Variants in NEK11 observed in about 807,000 individuals in gnomAD.
NEK11 encodes the protein NIMA related kinase 11, also known as serine/threonine-protein kinase Nek11.
A neutral mutation model predicts 80.7 loss-of-function variants in NEK11; 72 were observed. The observed-to-expected ratio is 0.89, with a 90% CI of 0.74 to 1.08. The LOEUF (loss-of-function observed/expected upper bound fraction) is 1.08. Ranked by LOEUF, NEK11 falls within the 50% of genes least tolerant of loss-of-function variation. NEK11 has a pLI of 0.00. For synonymous variants in NEK11, 251 were observed against 260.7 expected (o/e 0.96, Z 0.36); for missense variants, 764 against 763.6 (o/e 1.00, Z -0.01).
At chr3:131,056,764 C>T (rs1004291803) in intron 3 of NEK11, among the ~76,000 whole-genome samples, 3 of 152,118 alleles carry the variant, frequency 2.0e-5, no homozygotes, top group Non-Finnish European at 2.9e-5. Context: ...TCAAGGGCCT[C>T]CCATTTCTGC....
chr3:131,287,448 AT>A (rs1402022704), intron 17 of NEK11, among the ~76,000 whole-genome samples: 2 of 151,848 alleles, frequency 1.3e-5, no homozygotes, highest in African/African-American at 4.8e-5. Context: ...TAATTTTTAC[AT>A]TTTTAGTAGA....
intron 4 of NEK11, among the ~76,000 whole-genome samples, chr3:131,082,508 T>C (rs1357335642): frequency 6.6e-6 from 1 of 152,248 alleles, no homozygotes; most frequent in Non-Finnish European, 1.5e-5. Flanking sequence ...TGCTGTCTAA[T>C]ATAGTAGTCG....
chr3:131,067,663 C>G (rs1337391462), intron 3 of NEK11, among the ~76,000 whole-genome samples: 4 of 152,052 alleles, frequency 2.6e-5, no homozygotes, highest in Non-Finnish European at 5.9e-5. Flanking sequence ...TATTTGTGTT[C>G]TATTCTTGCT....
chr3:131,172,080 G>T (rs2092727940), intron 14 of NEK11, among the ~76,000 whole-genome samples: 1 of 152,236 alleles, frequency 6.6e-6, no homozygotes, highest in Non-Finnish European at 1.5e-5. Flanking sequence ...TTCCTCTGCA[G>T]TTAGAGGTAG....
intron 7 of NEK11, among the ~76,000 whole-genome samples, chr3:131,134,745 C>T (rs2085220881): frequency 6.6e-6 from 1 of 152,130 alleles, no homozygotes; most frequent in Admixed American, 6.5e-5. Flanking sequence ...GTGACAGATG[C>T]ATCTGAGATG....
At chr3:131,253,299 A>C (rs886250243) in intron 16 of NEK11, among the ~76,000 whole-genome samples, 2 of 152,110 alleles carry the variant, frequency 1.3e-5, no homozygotes, top group Non-Finnish European at 2.9e-5. Flanking sequence ...CAAAACGCTA[A>C]ATTCCCACCA....
chr3:131,304,057 G>A (rs1235058232), intron 17 of NEK11, among the ~76,000 whole-genome samples: 1 of 152,148 alleles, frequency 6.6e-6, no homozygotes, highest in Non-Finnish European at 1.5e-5. Flanking sequence ...ATACCAGTGA[G>A]TCATAGATTT....
intron 17 of NEK11, among the ~76,000 whole-genome samples, chr3:131,305,723 T>C (rs1384236996): frequency 6.6e-6 from 1 of 152,116 alleles, no homozygotes; most frequent in African/African-American, 2.4e-5. Flanking sequence ...ATTCCAGAGG[T>C]TGATGGCAAG....
chr3:131,056,411 A>T (rs574246785), intron 3 of NEK11, among the ~76,000 whole-genome samples: 8 of 152,072 alleles, frequency 5.3e-5, no homozygotes, highest in Non-Finnish European at 1.2e-4. Context: ...GGGTCAGGAC[A>T]CTCACTGTGT....
At chr3:131,032,491 G>A (rs930636411) in intron 3 of NEK11, among the ~76,000 whole-genome samples, 11 of 152,134 alleles carry the variant, frequency 7.2e-5, no homozygotes, top group African/African-American at 2.2e-4. Flanking sequence ...TTTCCACTAC[G>A]TGCCGACCTT....
At chr3:131,342,964 C>A (rs1326052430) in intron 17 of NEK11, among the ~76,000 whole-genome samples, 1 of 151,890 alleles carries the variant, frequency 6.6e-6, no homozygotes, top group South Asian at 2.1e-4. Context: ...GGGGAATTGG[C>A]CATATGAAAG....
At chr3:131,290,913 T>C (rs1014228641) in intron 17 of NEK11, among the ~76,000 whole-genome samples, 3 of 152,236 alleles carry the variant, frequency 2.0e-5, no homozygotes, top group Non-Finnish European at 2.9e-5. Context: ...GGTACATTTG[T>C]TGCAACTGAT....
chr3:131,137,217 G>A (rs1332786724), intron 7 of NEK11, among the ~76,000 whole-genome samples: 2 of 152,142 alleles, frequency 1.3e-5, no homozygotes, highest in African/African-American at 4.8e-5. Flanking sequence ...TGATCTTGGG[G>A]CAGAAGTGTC....
intron 3 of NEK11, among the ~76,000 whole-genome samples, chr3:131,070,603 T>C (rs2073100998): frequency 6.6e-6 from 1 of 152,236 alleles, no homozygotes; most frequent in African/African-American, 2.4e-5. Context: ...AAAACCATTA[T>C]TCCAATCACA....
intron 17 of NEK11, chr3:131,325,398 C>A (rs546075957): frequency 1.3e-5 from 2 of 151,632 alleles, no homozygotes; most frequent in African/African-American, 2.4e-5. Flanking sequence ...TTTTTTAATT[C>A]TTGGTGGTGA....
rs1189723016 is a variant in NEK11 at position 131,162,397 on chromosome 3, G to A, written c.963-11G>A. ...GATGGGCTATATGAGGGGAATCTTT[G>A]TTATTTATAGGCAAAAAAGGATCCA... On this transcript the variant is annotated splice_polypyrimidine_tract_variant and intron_variant, in intron 10 of 17. Coordinates refer to ENST00000383366, the MANE Select transcript of NEK11 (RefSeq NM_024800.5). The A allele has an allele frequency of 6.2e-7, 1 of 1,610,516 alleles. No individual in the cohort carries two copies. Among genetic ancestry groups the A allele is most frequent in the Admixed American group, 1.7e-5 (1 of 59,136 alleles).
intron 5 of NEK11, among the ~76,000 whole-genome samples, chr3:131,121,886 C>T (rs145975727): frequency 7.5e-4 from 115 of 152,334 alleles, no homozygotes; most frequent in Admixed American, 2.2e-3. Flanking sequence ...CCATCTGTCA[C>T]GGCTTCCCTT....
chr3:131,207,081 G>T (rs1322742834), intron 14 of NEK11, among the ~76,000 whole-genome samples: 1 of 152,200 alleles, frequency 6.6e-6, no homozygotes, highest in Non-Finnish European at 1.5e-5. Flanking sequence ...GGACATTTGG[G>T]TTGGTTCCAA....
chr3:131,063,965 G>A (rs1560227990), intron 3 of NEK11, among the ~76,000 whole-genome samples: 1 of 152,030 alleles, frequency 6.6e-6, no homozygotes, highest in African/African-American at 2.4e-5. Flanking sequence ...ACAAAATATG[G>A]TATATCCATA....
Sources: allele counts gnomAD v4.1 joint callset (sites outside exome capture counted in the v4.1 genomes callset), GRCh38; gene constraint gnomAD v4.1.1; transcripts MANE v1.5; gene names NCBI Gene and HGNC (gene_info 2026-07-23, HGNC 2026-07-21).